The following NKD2 variants were observed in gnomAD, a reference collection of about 807,000 sequenced individuals.
NKD2 encodes protein naked cuticle homolog 2.
In NKD2, 43 loss-of-function variants were observed where a neutral mutation model predicts 34.8. That is an observed-to-expected ratio of 1.24 (90% CI 0.97 to 1.60). NKD2 has a LOEUF of 1.60. Ranked by LOEUF, NKD2 falls within the 40% of genes most tolerant of loss-of-function variation. The pLI, the probability that NKD2 is intolerant of heterozygous loss-of-function variation, is 0.00. For synonymous variants in NKD2, 278 were observed against 265.1 expected, an observed-to-expected ratio of 1.05 and a Z score of -0.47; for missense variants, 675 against 627.1, an observed-to-expected ratio of 1.08 and a Z score of -0.82.
In NKD2 at chr5:1,009,903, G is replaced by T. The variant is rs1013820013; in HGVS notation, c.141+343G>T. On this transcript the variant is annotated intron_variant, in intron 3 of 9. Coordinates refer to ENST00000296849, the MANE Select transcript of NKD2 (RefSeq NM_033120.4). The surrounding 1 kb of genome is among the most constrained non-coding windows in gnomAD (Gnocchi z 6.9). ...AGACGTCCCGGGCTGGGGGTCCCGG[G>T]GAGCGGGAATGCAGTACCCCGGCTG... Among the ~76,000 whole-genome samples, 1 of 152,176 alleles carries T rather than the reference G, an allele frequency of 6.6e-6. No individual in the cohort carries two copies. Among genetic ancestry groups the T allele is most frequent in the Non-Finnish European group, 1.5e-5 (1 of 68,024 alleles).
chr5:1,025,801 A>T (rs112420767), intron 3 of NKD2, among the ~76,000 whole-genome samples: 969 of 12,928 alleles, frequency 0.075, 12 homozygotes, highest in Non-Finnish European at 0.28. Context: ...GCCCCAGCCC[A>T]TTGTCCCTGC....
At chr5:1,015,061 A>G (rs1342427490) in intron 3 of NKD2, among the ~76,000 whole-genome samples, 1 of 152,184 alleles carries the variant, frequency 6.6e-6, no homozygotes, top group Non-Finnish European at 1.5e-5. Context: ...TCCACGCTCC[A>G]TAAGGCCAGG....
At chr5:1,019,632 C>G (rs1434195211) in intron 3 of NKD2, among the ~76,000 whole-genome samples, 1 of 152,216 alleles carries the variant, frequency 6.6e-6, no homozygotes, top group Non-Finnish European at 1.5e-5. Flanking sequence ...TTGAGTAGCT[C>G]AGTCCCCAGG....
rs1015209739 is a variant in NKD2 at position 1,028,808 on chromosome 5, G to A, written c.142-3344G>A. 7.9e-5 allele frequency among the ~76,000 whole-genome samples: 12 copies of A among 152,104 alleles called. 1 individual carries two copies. The highest frequency in any genetic ancestry group is 2.2e-4 in the African/African-American group (9 of 41,414). Reference sequence around the variant, plus strand: ...AGGGGGAGGGTTGGGCCCTCGGGAGGGAGTGAGGGTAGGGTGGGTCCTCAG... The same window carrying A: ...AGGGGGAGGGTTGGGCCCTCGGGAGAGAGTGAGGGTAGGGTGGGTCCTCAG... On this transcript the variant is annotated intron_variant, in intron 3 of 9. Transcript: ENST00000296849.
At chr5:1,034,005 AC>A in intron 5 of NKD2, 1 of 582,506 alleles carries the variant, frequency 1.7e-6, no homozygotes, top group Non-Finnish European at 3.0e-6. Context: ...CTGTGGGGGA[AC>A]CGAATCACAG....
At chr5:1,028,864 A>T (rs1215247635) in intron 3 of NKD2, among the ~76,000 whole-genome samples, 1 of 152,080 alleles carries the variant, frequency 6.6e-6, no homozygotes, top group East Asian at 1.9e-4. Context: ...GCTGCATCTC[A>T]GGGAGGGGCG....
intron 6 of NKD2, 72 bp downstream of exon 6, chr5:1,034,402 C>CT: frequency 1.6e-6 from 2 of 1,285,314 alleles, no homozygotes; most frequent in South Asian, 2.5e-5. Flanking sequence ...GCTGGCCTCG[C>CT]GATACCTCAG....
intron 3 of NKD2, among the ~76,000 whole-genome samples, chr5:1,015,236 A>C (rs918148748): frequency 2.6e-5 from 4 of 152,180 alleles, no homozygotes; most frequent in Non-Finnish European, 2.9e-5. Flanking sequence ...GCTGTCAGCA[A>C]GCTCTCACTG....
intron 3 of NKD2, among the ~76,000 whole-genome samples, chr5:1,030,481 T>G (rs1287365243): frequency 1.3e-5 from 2 of 152,236 alleles, no homozygotes; most frequent in African/African-American, 2.4e-5. Context: ...ACTCTGGGGC[T>G]CTGGGCACTG....
At position 1,029,737 on chromosome 5, in the gene NKD2, G is replaced by A. The variant is rs143645923; in HGVS notation, c.142-2415G>A. 4.3e-3 allele frequency among the ~76,000 whole-genome samples: 649 copies of A among 152,312 alleles called. 7 individuals are homozygous for A. Among genetic ancestry groups the A allele is most frequent in the African/African-American group, 0.015 (617 of 41,560 alleles). On this transcript the variant is annotated intron_variant, in intron 3 of 9. Coordinates refer to ENST00000296849, the MANE Select transcript of NKD2 (RefSeq NM_033120.4). The stretch of plus-strand genomic sequence containing the variant: ...CCGTCCAACCCGTCGCCCGCTGCCT[G>A]TCCTCAGGAGCCACCGCACCTCCGG...
intron 3 of NKD2, among the ~76,000 whole-genome samples, chr5:1,020,604 G>A (rs978198139): frequency 9.9e-5 from 15 of 151,816 alleles, no homozygotes; most frequent in African/African-American, 3.1e-4. Flanking sequence ...CTCTCCAAGC[G>A]TGGGGAGAGG....
chr5:1,019,400 C>T (rs1244011261), intron 3 of NKD2, among the ~76,000 whole-genome samples: 1 of 152,218 alleles, frequency 6.6e-6, no homozygotes, highest in East Asian at 1.9e-4. Context: ...TGAGAGTGGG[C>T]TGTGGCTTGT....
At chr5:1,021,442 G>C (rs1303383867) in intron 3 of NKD2, among the ~76,000 whole-genome samples, 2 of 144,576 alleles carry the variant, frequency 1.4e-5, no homozygotes, top group African/African-American at 2.6e-5. Flanking sequence ...CTCCCCACAG[G>C]GCCTCAGTCT....
chr5:1,029,729 C>T (rs537358683), intron 3 of NKD2, among the ~76,000 whole-genome samples: 5 of 152,332 alleles, frequency 3.3e-5, no homozygotes, highest in African/African-American at 7.2e-5. Context: ...ACCCGTCGCC[C>T]GCTGCCTGTC....
chr5:1,032,038 C>A (rs181742959), intron 3 of NKD2, 114 bp from the exon 4 acceptor site: 4 of 788,970 alleles, frequency 5.1e-6, no homozygotes, highest in Non-Finnish European at 8.7e-6. Flanking sequence ...TTGAGACGCC[C>A]CAGGAGGCCT....
chr5:1,018,452 T>C (rs1462620838), intron 3 of NKD2, among the ~76,000 whole-genome samples: 1 of 152,230 alleles, frequency 6.6e-6, no homozygotes, highest in Non-Finnish European at 1.5e-5. Context: ...AAAGCGGACA[T>C]GGGCCTGGGG....
At chr5:1,020,333 A>G (rs765480898) in intron 3 of NKD2, among the ~76,000 whole-genome samples, 1 of 152,202 alleles carries the variant, frequency 6.6e-6, no homozygotes, top group Non-Finnish European at 1.5e-5. Context: ...ACGTGTATAC[A>G]TACATGTATA....
At chr5:1,019,080 G>A (rs1756071589) in intron 3 of NKD2, among the ~76,000 whole-genome samples, 2 of 152,154 alleles carry the variant, frequency 1.3e-5, no homozygotes, top group African/African-American at 2.4e-5. Flanking sequence ...TCCCTGTGGC[G>A]GGGCTGTGAT....
chr5:1,021,087 C>T (rs145224898), intron 3 of NKD2, among the ~76,000 whole-genome samples: 169 of 152,250 alleles, frequency 1.1e-3, no homozygotes, highest in African/African-American at 3.9e-3. Flanking sequence ...GAAGTTAAGT[C>T]GCAGCAGAAC....
Sources: gnomAD v4.1 joint callset for allele counts (sites outside exome capture counted in the v4.1 genomes callset) on GRCh38, gnomAD v4.1.1 for gene constraint, Gnocchi (gnomAD v3.1) non-coding constraint, MANE v1.5 for transcripts, NCBI Gene and HGNC (gene_info 2026-07-23, HGNC 2026-07-21) for gene names.